The following OPCML variants were observed in gnomAD, a reference collection of about 807,000 sequenced individuals.
OPCML encodes the protein opioid binding protein/cell adhesion molecule like.
In OPCML, 13 loss-of-function variants were observed where a neutral mutation model predicts 37.8. The observed-to-expected ratio is 0.34, with a 90% CI of 0.22 to 0.55. The LOEUF is 0.55. Ranked by LOEUF, OPCML falls within the 20% of genes least tolerant of loss-of-function variation. The pLI is 0.91. For missense variants in OPCML, 341 were observed against 435.6 expected, an observed-to-expected ratio of 0.78 and a Z score of 1.93; for synonymous variants, 176 against 168.8, an observed-to-expected ratio of 1.04 and a Z score of -0.33.
intron 3 of OPCML, among the ~76,000 whole-genome samples, chr11:132,534,527 G>A (rs546889932): frequency 1.7e-4 from 26 of 152,296 alleles, no homozygotes; most frequent in African/African-American, 6.0e-4. Context: ...CTTTCCCAAA[G>A]ATGAAACATG....
intron 1 of OPCML, chr11:133,418,351 G>C: frequency 2.0e-6 from 2 of 985,308 alleles, no homozygotes; most frequent in Non-Finnish European, 2.4e-6. Context: ...CATTCAATAG[G>C]GGTAAAAAAA....
intron 1 of OPCML, among the ~76,000 whole-genome samples, chr11:133,230,422 AT>A (rs1940229208): frequency 6.6e-6 from 1 of 152,068 alleles, no homozygotes; most frequent in Non-Finnish European, 1.5e-5. Flanking sequence ...ACTCGTTTCT[AT>A]TTCTGCCTCC....
Position 132,942,895 on chromosome 11 carries a change from G to A in OPCML, c.146+31C>T, listed in dbSNP as rs763732984. On this transcript the variant is annotated intron_variant, in intron 2 of 7. Transcript: ENST00000524381. ...TCTCCCCAGCGACCACAGCCCAGGG[G>A]CTCGGCCCCCGCGGAAGGACAGCTC... The A allele has an allele frequency of 3.1e-6, 5 of 1,613,328 alleles. No homozygotes were observed. In the South Asian group the frequency reaches 5.5e-5, roughly 18 times the overall value.
rs145853736 is a variant in OPCML, at chr11:133,133,597, G to A, written c.62-190587C>T. Among the ~76,000 whole-genome samples, 16 of 152,134 alleles carry A rather than the reference G, an allele frequency of 1.1e-4. 1 individual carries two copies. The highest frequency in any genetic ancestry group is 2.0e-4 in the Admixed American group (3 of 15,286). ...ACGTGTCCCTTATGCCATCCCCCAG[G>A]AAGTGTAGTAGCTCCCCTCTCTTTC... On this transcript the variant is annotated intron_variant, in intron 1 of 7. Transcript: ENST00000524381.
intron 1 of OPCML, among the ~76,000 whole-genome samples, chr11:133,081,201 A>C (rs1948711103): frequency 6.6e-6 from 1 of 152,130 alleles, no homozygotes; most frequent in Admixed American, 6.5e-5. Context: ...CCCATCCCTT[A>C]TATTTACAGG....
At chr11:133,450,785 T>C (rs1357877787) in intron 1 of OPCML, among the ~76,000 whole-genome samples, 2 of 151,606 alleles carry the variant, frequency 1.3e-5, no homozygotes, top group African/African-American at 4.9e-5. Flanking sequence ...ACAGTTATTG[T>C]CCTGGATAGC....
At chr11:132,647,470 G>T (rs1941212025) in intron 3 of OPCML, among the ~76,000 whole-genome samples, 1 of 152,154 alleles carries the variant, frequency 6.6e-6, no homozygotes, top group African/African-American at 2.4e-5. Flanking sequence ...GCCTAATGTT[G>T]ACCAGAAGCC....
Position 133,413,795 on chromosome 11 carries a change from T to C in OPCML, c.61+118469A>G, listed in dbSNP as rs533577281. ...TTTAATTAAAACCGACAAGAGTGAT[T>C]GTGGCTGTCAGGATGTGAAAGGAAA... On this transcript the variant is annotated intron_variant, in intron 1 of 7. Coordinates refer to ENST00000524381, the MANE Select transcript of OPCML (RefSeq NM_001012393.5). Among the ~76,000 whole-genome samples the C allele has an allele frequency of 4.6e-5, 7 of 152,286 alleles. No individual in the cohort carries two copies. In the South Asian group the frequency reaches 1.5e-3, roughly 32 times the overall value.
chr11:132,569,688 T>C (rs2096432788), intron 3 of OPCML, among the ~76,000 whole-genome samples: 1 of 152,248 alleles, frequency 6.6e-6, no homozygotes, highest in African/African-American at 2.4e-5. Flanking sequence ...TGAGGAAATT[T>C]GTAGGCTGTC....
chr11:133,198,366 A>G (rs1938622037), intron 1 of OPCML, among the ~76,000 whole-genome samples: 1 of 152,250 alleles, frequency 6.6e-6, no homozygotes, highest in South Asian at 2.1e-4. Context: ...CATACATTGC[A>G]TTTTGTTTCC....
At chr11:133,026,817 A>T (rs1380557735) in intron 1 of OPCML, among the ~76,000 whole-genome samples, 1 of 152,222 alleles carries the variant, frequency 6.6e-6, no homozygotes, top group Non-Finnish European at 1.5e-5. Flanking sequence ...TTTAAAAAAA[A>T]ATATTAGATT....
intron 4 of OPCML, among the ~76,000 whole-genome samples, chr11:132,512,498 T>C (rs1376292027): frequency 3.9e-5 from 6 of 151,912 alleles, no homozygotes; most frequent in Non-Finnish European, 2.9e-5. Context: ...AGTGGTACAA[T>C]CATATAATAG....
chr11:133,010,468 T>C (rs1947193799), intron 1 of OPCML, among the ~76,000 whole-genome samples: 1 of 152,224 alleles, frequency 6.6e-6, no homozygotes, highest in Non-Finnish European at 1.5e-5. Flanking sequence ...TATTAAAATA[T>C]TCTTGTAACA....
chr11:133,481,679 G>A (rs764685972), intron 1 of OPCML, among the ~76,000 whole-genome samples: 3 of 152,158 alleles, frequency 2.0e-5, no homozygotes, highest in Non-Finnish European at 4.4e-5. Context: ...TCAGAGGTCT[G>A]TCTGAGTTAA....
At chr11:132,622,262 A>G (rs1430945679) in intron 3 of OPCML, among the ~76,000 whole-genome samples, 1 of 152,176 alleles carries the variant, frequency 6.6e-6, no homozygotes, top group Non-Finnish European at 1.5e-5. Flanking sequence ...GGAGAATAAC[A>G]ATGAATAGAG....
At chr11:133,372,027 G>T (rs1239570277) in intron 1 of OPCML, among the ~76,000 whole-genome samples, 2 of 152,168 alleles carry the variant, frequency 1.3e-5, no homozygotes, top group African/African-American at 4.8e-5. Context: ...AGAAGGGTGT[G>T]GGGGGAGGGA....
At chr11:132,505,419 AT>A (rs990193999) in intron 4 of OPCML, among the ~76,000 whole-genome samples, 1 of 152,216 alleles carries the variant, frequency 6.6e-6, no homozygotes, top group Admixed American at 6.5e-5. Flanking sequence ...CAATAAAAAA[AT>A]CGGCTTCCAG....
intron 3 of OPCML, among the ~76,000 whole-genome samples, chr11:132,585,344 A>G (rs999796970): frequency 2.3e-4 from 35 of 151,848 alleles, no homozygotes; most frequent in Non-Finnish European, 2.9e-5. Context: ...TACTTTTTGG[A>G]AAGGTTAGAG....
At chr11:132,536,523 TTTA>T (rs1156646694) in intron 3 of OPCML, among the ~76,000 whole-genome samples, 1 of 152,220 alleles carries the variant, frequency 6.6e-6, no homozygotes, top group African/African-American at 2.4e-5. Flanking sequence ...TTGTTTTTAC[TTTA>T]TTGTTGTTAT....
Sources: allele counts gnomAD v4.1 joint callset (sites outside exome capture counted in the v4.1 genomes callset), GRCh38; gene constraint gnomAD v4.1.1; transcripts MANE v1.5; gene names NCBI Gene and HGNC (gene_info 2026-07-23, HGNC 2026-07-21).